The following CATSPERG variants were observed in gnomAD, a reference collection of about 807,000 sequenced individuals.
CATSPERG encodes cation channel sperm-associated auxiliary subunit gamma.
In CATSPERG, 115 loss-of-function variants were observed where a neutral mutation model predicts 145.0. The observed-to-expected ratio is 0.79, with a 90% CI of 0.68 to 0.93. The LOEUF is 0.93. Ranked by LOEUF, CATSPERG falls within the 40% of genes least tolerant of loss-of-function variation. CATSPERG has a pLI of 0.00. For missense variants in CATSPERG, 1,296 were observed against 1,490.1 expected, an observed-to-expected ratio of 0.87 and a Z score of 2.14; for synonymous variants, 588 against 589.0, an observed-to-expected ratio of 1.00 and a Z score of 0.02.
chr19:38,344,437 G>C, intron 6 of CATSPERG, 69 bp downstream of exon 6: 1 of 1,373,388 alleles, frequency 7.3e-7, no homozygotes, highest in Non-Finnish European at 1.0e-6. Flanking sequence ...TTACTTCCCA[G>C]ACAAGCAGCA....
Position 38,369,968 on chromosome 19 carries a change from G to A in CATSPERG, c.3021-4G>A, listed in dbSNP as rs767971582. Reference sequence around the variant, plus strand: ...AGCACAACTGCCTGATCTTTGGCTTGCAGGTGGCTCTGTCTGGAGAATGCC... The same window carrying A: ...AGCACAACTGCCTGATCTTTGGCTTACAGGTGGCTCTGTCTGGAGAATGCC... On this transcript the variant is annotated splice_region_variant and splice_polypyrimidine_tract_variant and intron_variant, in intron 26 of 28. Transcript: ENST00000409235. 19 of 1,614,014 alleles carry A rather than the reference G, an allele frequency of 1.2e-5. No individual in the cohort carries two copies. The highest frequency in any genetic ancestry group is 1.5e-5 in the Non-Finnish European group (18 of 1,179,928).
At chr19:38,370,281 C>A (rs1478875705) in intron 28 of CATSPERG, 23 bp downstream of exon 28, 1 of 1,606,802 alleles carries the variant, frequency 6.2e-7, no homozygotes, top group Admixed American at 1.7e-5. Flanking sequence ...CCGGGAGCTG[C>A]CCTACTGGGT....
intron 22 of CATSPERG, chr19:38,365,665 C>G (rs1692679300): frequency 6.6e-6 from 1 of 151,592 alleles, no homozygotes; most frequent in African/African-American, 2.4e-5. Flanking sequence ...GATAACTTTT[C>G]TTCAGAGGGA....
At chr19:38,355,241 A>C (rs1970222809) in intron 9 of CATSPERG, among the ~76,000 whole-genome samples, 1 of 152,062 alleles carries the variant, frequency 6.6e-6, no homozygotes, top group South Asian at 2.1e-4. Context: ...GCTATTCAGG[A>C]GGCTGAGGCA....
In CATSPERG at chr19:38,370,631, A is replaced by C. The variant is rs1157804364; in HGVS notation, c.3319A>C (p.Asn1107His). 1.2e-6 allele frequency: 2 copies of C among 1,613,980 alleles called. No homozygotes were observed. The highest frequency in any genetic ancestry group is 1.7e-6 in the Non-Finnish European group (2 of 1,180,044). The change falls in exon 29 of 29, where the codon AAC becomes CAC. Residue 1107 changes from asparagine to histidine, a missense_variant. By Grantham distance (68) the Asn-to-His change is moderately conservative. Transcript: ENST00000409235. The stretch of plus-strand genomic sequence containing the variant: ...CACGATGATCCGGTGGAAGATAAAC[A>C]ACCTCATTGCCTCAGAATCCTACTA... ...GCTMIRWKIN[N>H]LIASESYYTY...
chr19:38,360,232 C>A (rs1970320866), intron 14 of CATSPERG: 1 of 985,198 alleles, frequency 1.0e-6, no homozygotes, highest in African/African-American at 1.7e-5. Context: ...TCGCAAGTGC[C>A]AGAAACCCAA....
intron 8 of CATSPERG, among the ~76,000 whole-genome samples, chr19:38,353,374 A>C (rs901830971): frequency 6.6e-6 from 1 of 150,600 alleles, no homozygotes; most frequent in Non-Finnish European, 1.5e-5. Flanking sequence ...TGAAAAAGAG[A>C]GACTATTCAA....
rs926894158 is a variant in CATSPERG at position 38,361,562 on chromosome 19, G to A, written c.1881-86G>A. 52 of 1,068,670 alleles carry A rather than the reference G, an allele frequency of 4.9e-5. No homozygotes were observed. The East Asian group carries it at 5.0e-4, about 10-fold the overall frequency. 66.2% of individuals were successfully genotyped at this position (1,068,670 alleles called of 1,614,324 possible). A position where few individuals can be genotyped will look rare whatever the true frequency, so the allele number is the denominator to read the frequency against. On this transcript the variant is annotated intron_variant, in intron 16 of 28. Transcript: ENST00000409235. Reference sequence around the variant, plus strand: ...TCGGGCTGGATTCGATACGGGAAGTGGGTGGGGTGGGAAAGAGGCCTGCGG... The same window carrying A: ...TCGGGCTGGATTCGATACGGGAAGTAGGTGGGGTGGGAAAGAGGCCTGCGG...
intron 26 of CATSPERG, 72 bp downstream of exon 26, chr19:38,368,209 C>G: frequency 3.1e-6 from 4 of 1,300,462 alleles, no homozygotes; most frequent in Non-Finnish European, 4.4e-6. Context: ...TCCTTTCTGC[C>G]CCTAGGAGGC....
In CATSPERG at chr19:38,362,748, G is replaced by T. The variant is rs1970372968; in HGVS notation, c.2391G>T (p.Val797=). 6.2e-7 allele frequency: 1 copy of T among 1,614,200 alleles called. No individual in the cohort carries two copies. Among genetic ancestry groups the T allele is most frequent in the East Asian group, 2.2e-5 (1 of 44,886 alleles). The change falls in exon 20 of 29, where the codon GTG becomes GTT. Residue 797 remains valine, a synonymous_variant. Transcript: ENST00000409235. ...TAFQLHSQVD[V]GVVLADPGCI... is the part of the protein sequence containing the mutation. The stretch of plus-strand genomic sequence containing the variant: ...TCCAGCTGCATAGCCAGGTGGACGT[G>T]GGCGTGGTGCTGGCCGACCCCGGCT...
chr19:38,344,644 T>C (rs1969996750), intron 6 of CATSPERG, among the ~76,000 whole-genome samples: 2 of 151,896 alleles, frequency 1.3e-5, no homozygotes, highest in Non-Finnish European at 2.9e-5. Flanking sequence ...GTCTGACTCC[T>C]ATACACACCT....
At position 38,364,987 on chromosome 19, in the gene CATSPERG, G is replaced by A. The variant is rs1970423089; in HGVS notation, c.2556+16G>A. The A allele has an allele frequency of 6.2e-7, 1 of 1,613,702 alleles. No individual in the cohort carries two copies. The highest frequency in any genetic ancestry group is 8.5e-7 in the Non-Finnish European group (1 of 1,179,580). ...GACGGTCAATGTGAGGTCCAAGCCT[G>A]GAGGGGAGGGTGCAGGATGGTGGGA... On this transcript the variant is annotated intron_variant, in intron 21 of 28. Transcript: ENST00000409235.
At position 38,370,389 on chromosome 19, in the gene CATSPERG, G is replaced by T; in HGVS notation, c.3213+131G>T. 4.3e-6 allele frequency: 6 copies of T among 1,401,844 alleles called. No homozygotes were observed. The Admixed American group carries it at 1.0e-4, about 24-fold the overall frequency. 86.8% of individuals were successfully genotyped at this position (1,401,844 alleles called of 1,614,324 possible). A position where few individuals can be genotyped will look rare whatever the true frequency, so the allele number is the denominator to read the frequency against. ...GCCATGCTGACTGAACGCCTGCCAT[G>T]CCACAGGCTGTCTACTCATTCATTT... On this transcript the variant is annotated intron_variant, in intron 28 of 28. Coordinates refer to ENST00000409235, the MANE Select transcript of CATSPERG (RefSeq NM_021185.5).
At chr19:38,340,630 T>C (rs1161751537) in intron 3 of CATSPERG, among the ~76,000 whole-genome samples, 1 of 149,346 alleles carries the variant, frequency 6.7e-6, no homozygotes, top group East Asian at 2.0e-4. Flanking sequence ...AATAATTTTA[T>C]TTTTTTAGAG....
intron 6 of CATSPERG, among the ~76,000 whole-genome samples, chr19:38,344,901 A>ATATATATATT (rs1468159196): frequency 1.2e-5 from 1 of 80,008 alleles, no homozygotes; most frequent in African/African-American, 4.8e-5. Flanking sequence ...ATATATATAT[A>ATATATATATT]TTTTTTTTTT....
At position 38,361,655 on chromosome 19, in the gene CATSPERG, T is replaced by G. The variant is rs149702541; in HGVS notation, c.1888T>G (p.Leu630Val). The change falls in exon 17 of 29, where the codon TTG becomes GTG. Residue 630 changes from leucine (L) to valine (V), a missense_variant. By Grantham distance (32) the Leu-to-Val change is conservative. Transcript: ENST00000409235. ...HYDLERKGGYLMLSFIDFCPF... is the reference protein window; with the variant it reads ...HYDLERKGGYVMLSFIDFCPF... ...CCCCTTGCCACTGCCCAGGGGCTACTTGATGCTCTCCTTCATCGACTTCTG... is the reference window on the plus strand; with the variant it reads ...CCCCTTGCCACTGCCCAGGGGCTACGTGATGCTCTCCTTCATCGACTTCTG... 2.5e-6 allele frequency: 4 copies of G among 1,610,004 alleles called. No individual in the cohort carries two copies. The highest frequency in any genetic ancestry group is 2.2e-5 in the South Asian group (2 of 90,830).
rs139891538 is a variant in CATSPERG at position 38,337,248 on chromosome 19, C to T, written c.14C>T (p.Ala5Val). 4,168 of 1,551,310 alleles carry T rather than the reference C, an allele frequency of 2.7e-3. 8 individuals are homozygous for T. Among genetic ancestry groups the T allele is most frequent in the Non-Finnish European group, 3.4e-3 (3,852 of 1,147,006 alleles). Residue 5 changes from alanine to valine, a missense_variant, in exon 2 of 29, where the codon GCC (alanine) becomes GTC (valine). Physicochemically the swap from Ala to Val is moderately conservative, Grantham distance 64 (BLOSUM62 0). Coordinates refer to ENST00000409235, the MANE Select transcript of CATSPERG (RefSeq NM_021185.5). MCGP[A>V]MFPAGPPWPR... ...TCTAGCCACGTTATGTGCGGCCCAG[C>T]CATGTTCCCTGCCGGTCCTCCGTGG...
intron 1 of CATSPERG, chr19:38,336,988 C>G (rs553756315): frequency 2.1e-4 from 123 of 585,638 alleles, no homozygotes; most frequent in Non-Finnish European, 3.3e-4. Context: ...GGAGCAAGTG[C>G]AGAGGCGGAG....
At chr19:38,365,156 G>A (rs748027021) in intron 22 of CATSPERG, 39 bp downstream of exon 22, 13 of 1,588,976 alleles carry the variant, frequency 8.2e-6, no homozygotes, top group African/African-American at 1.3e-5. Context: ...GGAGGGGAAG[G>A]TTGGGGTCGG....
Sources: gnomAD v4.1 joint callset for allele counts (sites outside exome capture counted in the v4.1 genomes callset) on GRCh38, gnomAD v4.1.1 for gene constraint, MANE v1.5 for transcripts, NCBI Gene and HGNC (gene_info 2026-07-23, HGNC 2026-07-21) for gene names.